NHERF2: variants seen among roughly 807,000 people sequenced by gnomAD.
NHERF2 encodes Na(+)/H(+) exchange regulatory cofactor NHE-RF2.
At chr16:2,035,265 G>A in the NHERF2 span, 2 of 346,586 alleles carry the variant, frequency 5.8e-6, no homozygotes, top group Non-Finnish European at 8.1e-6. Context: ...CCGCTGACAT[G>A]GCCGTTTCTG....
At chr16:2,037,117 C>A in the NHERF2 span, 3 of 1,213,396 alleles carry the variant, frequency 2.5e-6, no homozygotes, top group African/African-American at 1.5e-5. Context: ...CCGATTTTAG[C>A]CCTGTCACCT....
chr16:2,027,755 T>C, the NHERF2 span, among the ~76,000 whole-genome samples: 1 of 152,194 alleles, frequency 6.6e-6, no homozygotes, highest in African/African-American at 2.4e-5. Context: ...TGTGCAGGTC[T>C]GGACTCCTGG....
chr16:2,038,071 G>A, the NHERF2 span: 3 of 1,490,910 alleles, frequency 2.0e-6, no homozygotes, highest in East Asian at 2.3e-5. Context: ...CAGCCTCAGT[G>A]GACTGGAGGG....
the NHERF2 span, among the ~76,000 whole-genome samples, chr16:2,028,412 C>T: frequency 1.2e-4 from 19 of 152,190 alleles, no homozygotes; most frequent in African/African-American, 3.1e-4. Context: ...CTGCCACCCT[C>T]GCCCTGGGAA....
the NHERF2 span, chr16:2,035,587 G>A: frequency 2.0e-6 from 2 of 987,166 alleles, no homozygotes; most frequent in South Asian, 4.7e-5. Context: ...GCAGCCGCTG[G>A]CCACCGCCGC....
the NHERF2 span, among the ~76,000 whole-genome samples, chr16:2,033,967 T>C: frequency 1.3e-5 from 2 of 152,102 alleles, no homozygotes; most frequent in Admixed American, 6.5e-5. Context: ...CTTCTTGCCT[T>C]GTAGAGTGAA....
chr16:2,037,424 C>A, the NHERF2 span: 4 of 1,022,928 alleles, frequency 3.9e-6, no homozygotes, highest in South Asian at 1.4e-5. Context: ...AGGCCCGAGG[C>A]CCCCTGCCGA....
chr16:2,037,490 A>T, the NHERF2 span: 1 of 1,501,128 alleles, frequency 6.7e-7, no homozygotes, highest in South Asian at 1.2e-5. Flanking sequence ...GTGCGTGTGC[A>T]GGTGTTGTGT....
chr16:2,033,150 C>T, the NHERF2 span: 35 of 1,415,620 alleles, frequency 2.5e-5, no homozygotes, highest in East Asian at 1.0e-4. Context: ...GGGTGGGGGG[C>T]GCCAGGCTGG....
the NHERF2 span, among the ~76,000 whole-genome samples, chr16:2,030,948 C>CA: frequency 6.6e-6 from 1 of 151,932 alleles, no homozygotes; most frequent in African/African-American, 2.4e-5. Context: ...CAAAAAAAAA[C>CA]AAAAAAAGGA....
chr16:2,035,440 G>A, the NHERF2 span: 1 of 985,856 alleles, frequency 1.0e-6, no homozygotes, highest in Admixed American at 6.1e-5. Flanking sequence ...AGGGAGGTAG[G>A]AGGTGAGGGA....
At chr16:2,033,359 G>C in the NHERF2 span, 6 of 1,532,898 alleles carry the variant, frequency 3.9e-6, no homozygotes, top group Non-Finnish European at 5.2e-6. Context: ...GTCATGGCAC[G>C]CTCCGGGAGT....
the NHERF2 span, chr16:2,038,585 C>T: frequency 9.3e-6 from 3 of 321,728 alleles, 1 homozygote; most frequent in South Asian, 7.3e-5. Flanking sequence ...TTCGTGGGGA[C>T]CTTGGGTAAG....
chr16:2,035,710 C>A, the NHERF2 span: 1 of 984,376 alleles, frequency 1.0e-6, no homozygotes, highest in South Asian at 4.7e-5. Context: ...TGGGGCAGGG[C>A]CTGGGATGGT....
chr16:2,027,358 T>G, the NHERF2 span: 1 of 440,114 alleles, frequency 2.3e-6, no homozygotes, highest in Non-Finnish European at 3.7e-6. Context: ...GCCCGGCGCC[T>G]TCGGAGTCCC....
the NHERF2 span, chr16:2,036,733 C>T: frequency 7.6e-5 from 123 of 1,611,592 alleles, no homozygotes; most frequent in Middle Eastern, 1.6e-4. Flanking sequence ...GGCAGGTGAA[C>T]GGGCAGAATG....
the NHERF2 span, chr16:2,035,246 C>T: frequency 1.0e-3 from 236 of 230,318 alleles, no homozygotes; most frequent in Middle Eastern, 8.2e-3. Context: ...CTTGGCGGGG[C>T]GGTCCCCCCC....
chr16:2,033,584 C>T, the NHERF2 span, among the ~76,000 whole-genome samples: 3 of 152,200 alleles, frequency 2.0e-5, no homozygotes, highest in Admixed American at 1.3e-4. Flanking sequence ...GGTGCGTCAC[C>T]ATCTGGGGGG....
chr16:2,036,139 C>A, the NHERF2 span: 1 of 583,950 alleles, frequency 1.7e-6, no homozygotes. Context: ...ACAGGCTTTG[C>A]CCAAGTTCCC....
Sources: allele counts gnomAD v4.1 joint callset (sites outside exome capture counted in the v4.1 genomes callset), GRCh38; gene constraint gnomAD v4.1.1; transcripts MANE v1.5; gene names NCBI Gene and HGNC (gene_info 2026-07-23, HGNC 2026-07-21).